TENM3: variants seen among roughly 807,000 people sequenced by gnomAD.
The protein encoded by TENM3 is teneurin-3.
Under a neutral mutation model 255.1 loss-of-function variants are expected in TENM3, and 63 were observed. The ratio of observed to expected loss-of-function variants is 0.25; its 90% confidence interval spans 0.20 to 0.30. The LOEUF is 0.30. TENM3 is among the 10% of genes least tolerant of loss of function. TENM3 has a pLI of 1.00. For synonymous variants in TENM3, 1,306 were observed against 1,322.3 expected (o/e 0.99, Z 0.27); for missense variants, 2,929 against 3,461.1 (o/e 0.85, Z 3.86).
chr4:181,547,643 C>T, the TENM3 span, among the ~76,000 whole-genome samples: 9,823 of 151,924 alleles, frequency 0.065, 349 homozygotes, highest in South Asian at 0.15. Context: ...ATATGAAAGA[C>T]AATTAAACAT....
rs1364712550 is a variant in TENM3 at position 182,802,751 on chromosome 4, G to A, written c.*2400G>A. On this transcript the variant is annotated 3_prime_UTR_variant, in exon 28 of 28. Coordinates refer to ENST00000511685, the MANE Select transcript of TENM3 (RefSeq NM_001080477.4). ...GCTTTTACAAGAAATAGTGACCTTGGGGAATATGTAAACAAAAGACCTTTT... is the reference window on the plus strand; with the variant it reads ...GCTTTTACAAGAAATAGTGACCTTGAGGAATATGTAAACAAAAGACCTTTT... 2 of 152,298 alleles carry A rather than the reference G, an allele frequency of 1.3e-5. No individual in the cohort carries two copies. Among genetic ancestry groups the A allele is most frequent in the African/African-American group, 4.8e-5 (2 of 41,292 alleles). The allele number at this position is 152,298 out of a possible 1,614,324, so 9.4% of individuals were successfully genotyped here.
intron 1 of TENM3, among the ~76,000 whole-genome samples, chr4:182,312,576 G>A (rs1458676617): frequency 2.0e-5 from 3 of 152,168 alleles, no homozygotes; most frequent in Non-Finnish European, 4.4e-5. Context: ...AGTATTATCT[G>A]AATGACATAT....
the TENM3 span, among the ~76,000 whole-genome samples, chr4:182,125,270 C>T: frequency 6.6e-6 from 1 of 152,234 alleles, no homozygotes; most frequent in Non-Finnish European, 1.5e-5. Context: ...TCGATGATCA[C>T]ATCAACTGTT....
At chr4:182,556,663 T>C (rs1742618666) in intron 3 of TENM3, among the ~76,000 whole-genome samples, 1 of 152,186 alleles carries the variant, frequency 6.6e-6, no homozygotes, top group Admixed American at 6.5e-5. Flanking sequence ...CACTCCCCTG[T>C]AGCCAGCACT....
chr4:182,687,970 G>A (rs546208888), intron 11 of TENM3, among the ~76,000 whole-genome samples, 196 bp from the exon 12 acceptor site: 19 of 152,256 alleles, frequency 1.2e-4, no homozygotes, highest in African/African-American at 4.6e-4. Context: ...GAATAAAGAC[G>A]TAGAGTTCCA....
At chr4:181,808,997 C>G in the TENM3 span, among the ~76,000 whole-genome samples, 1 of 152,162 alleles carries the variant, frequency 6.6e-6, no homozygotes, top group Non-Finnish European at 1.5e-5. Flanking sequence ...ACAAAAGCCA[C>G]GCCAAATATT....
At chr4:182,517,630 G>T (rs893157865) in intron 3 of TENM3, among the ~76,000 whole-genome samples, 3 of 129,904 alleles carry the variant, frequency 2.3e-5, no homozygotes, top group South Asian at 4.5e-4. Context: ...TGATCCGCCC[G>T]CCTCGGCCTC....
At chr4:181,689,452 G>C in the TENM3 span, among the ~76,000 whole-genome samples, 2 of 152,154 alleles carry the variant, frequency 1.3e-5, no homozygotes, top group Non-Finnish European at 2.9e-5. Context: ...AGTGGGCACA[G>C]GAAGTAAAGG....
chr4:181,823,710 T>C, the TENM3 span, among the ~76,000 whole-genome samples: 2 of 152,202 alleles, frequency 1.3e-5, no homozygotes, highest in Non-Finnish European at 2.9e-5. Context: ...AAAATATTTC[T>C]CTACTAAAGC....
the TENM3 span, among the ~76,000 whole-genome samples, chr4:181,590,890 A>G: frequency 3.9e-5 from 6 of 152,244 alleles, no homozygotes; most frequent in African/African-American, 1.4e-4. Context: ...TACACCTAAC[A>G]TGGATAGAGA....
At chr4:182,790,647 C>T (rs182944942) in intron 25 of TENM3, among the ~76,000 whole-genome samples, 278 of 152,260 alleles carry the variant, frequency 1.8e-3, no homozygotes, top group African/African-American at 6.5e-3. Context: ...AGAGACTCAC[C>T]CTTGAGACAA....
chr4:182,770,110 A>AC, intron 22 of TENM3, among the ~76,000 whole-genome samples: 1 of 152,070 alleles, frequency 6.6e-6, no homozygotes, highest in South Asian at 2.1e-4. Context: ...GTCTCGAAAA[A>AC]AAAAAAAAAA....
chr4:181,880,346 A>G, the TENM3 span, among the ~76,000 whole-genome samples: 1 of 152,224 alleles, frequency 6.6e-6, no homozygotes, highest in East Asian at 1.9e-4. Context: ...GCAAATATTA[A>G]CAAATATGTA....
chr4:181,758,801 C>T, the TENM3 span, among the ~76,000 whole-genome samples: 6 of 152,172 alleles, frequency 3.9e-5, no homozygotes, highest in Non-Finnish European at 8.8e-5. Context: ...ACATGTAGTT[C>T]TGTTTCCTCC....
the TENM3 span, among the ~76,000 whole-genome samples, chr4:181,703,060 C>T: frequency 2.0e-5 from 3 of 152,150 alleles, no homozygotes; most frequent in East Asian, 3.9e-4. Flanking sequence ...AGTACAGGGG[C>T]AGAGGGCTTC....
the TENM3 span, among the ~76,000 whole-genome samples, chr4:181,656,722 A>G: frequency 6.6e-6 from 1 of 151,872 alleles, no homozygotes; most frequent in Non-Finnish European, 1.5e-5. Context: ...GGAGCTATGA[A>G]CTGAATATTG....
intron 1 of TENM3, among the ~76,000 whole-genome samples, chr4:182,293,269 A>G (rs1761238915): frequency 6.6e-6 from 1 of 152,192 alleles, no homozygotes; most frequent in African/African-American, 2.4e-5. Flanking sequence ...GAGGCGATTC[A>G]GCAGAGGGGA....
chr4:182,401,626 G>A (rs1769219665), intron 3 of TENM3, among the ~76,000 whole-genome samples: 1 of 151,982 alleles, frequency 6.6e-6, no homozygotes, highest in African/African-American at 2.4e-5. Flanking sequence ...CAGGTCCACA[G>A]ATGAGTAAGA....
intron 22 of TENM3, among the ~76,000 whole-genome samples, chr4:182,757,362 T>C (rs990113095): frequency 6.8e-6 from 1 of 146,802 alleles, no homozygotes; most frequent in African/African-American, 2.5e-5. Flanking sequence ...GGTGGCGGCA[T>C]TGGTAGGGTT....
Sources: allele counts gnomAD v4.1 joint callset (sites outside exome capture counted in the v4.1 genomes callset), GRCh38; gene constraint gnomAD v4.1.1; transcripts MANE v1.5; gene names NCBI Gene and HGNC (gene_info 2026-07-23, HGNC 2026-07-21).